Variants in AGFG1 observed in about 807,000 individuals in gnomAD.
AGFG1 encodes the protein arf-GAP domain and FG repeat-containing protein 1.
A neutral mutation model predicts 60.6 loss-of-function variants in AGFG1; 10 were observed. That is an observed-to-expected ratio of 0.16 (90% CI 0.10 to 0.28). The LOEUF (loss-of-function observed/expected upper bound fraction) is 0.28. AGFG1 is among the 10% of genes least tolerant of loss of function. AGFG1 has a pLI of 1.00. For synonymous variants in AGFG1, 247 were observed against 242.9 expected, an observed-to-expected ratio of 1.02 and a Z score of -0.16; for missense variants, 537 against 676.5, an observed-to-expected ratio of 0.79 and a Z score of 2.29.
intron 3 of AGFG1, among the ~76,000 whole-genome samples, chr2:227,521,154 C>G (rs1211590394): frequency 6.6e-6 from 1 of 152,132 alleles, no homozygotes; most frequent in African/African-American, 2.4e-5. Context: ...CAACCCCCGC[C>G]TCCTGGGTTC....
intron 8 of AGFG1, among the ~76,000 whole-genome samples, chr2:227,535,554 C>G: frequency 6.6e-6 from 1 of 152,298 alleles, no homozygotes; most frequent in African/African-American, 2.4e-5. Flanking sequence ...AGTAGGAAGT[C>G]TAACACATTT....
Position 227,557,573 on chromosome 2 carries a change from T to C in AGFG1, c.*3078T>C, listed in dbSNP as rs1303204087. 2 of 136,400 alleles carry C rather than the reference T, an allele frequency of 1.5e-5. No individual in the cohort carries two copies. Among genetic ancestry groups the C allele is most frequent in the Non-Finnish European group, 3.2e-5 (2 of 63,190 alleles). The allele number at this position is 136,400 out of a possible 1,614,324, so 8.4% of individuals were successfully genotyped here. On this transcript the variant is annotated 3_prime_UTR_variant, in exon 13 of 13. Coordinates refer to ENST00000310078, the MANE Select transcript of AGFG1 (RefSeq NM_004504.5). ...GAATTTATTGTATTAAAATTAATAC[T>C]GAGATATTTTTAAAACATGTTTATT...
chr2:227,486,940 A>G (rs538146664), intron 1 of AGFG1, among the ~76,000 whole-genome samples: 44 of 152,326 alleles, frequency 2.9e-4, no homozygotes, highest in Non-Finnish European at 5.4e-4. Context: ...CGTACAATGC[A>G]TAGGACACCC....
intron 2 of AGFG1, among the ~76,000 whole-genome samples, chr2:227,516,396 A>T (rs963002702): frequency 2.6e-5 from 4 of 152,192 alleles, no homozygotes; most frequent in African/African-American, 9.6e-5. Flanking sequence ...GAGTGTTAAG[A>T]TTGGTTAGGA....
At chr2:227,529,319 A>T (rs922567552) in intron 5 of AGFG1, among the ~76,000 whole-genome samples, 3 of 152,154 alleles carry the variant, frequency 2.0e-5, no homozygotes, top group African/African-American at 7.2e-5. Context: ...ATTTCTTCTC[A>T]TCCTGATATT....
At chr2:227,486,150 C>T (rs10178812) in intron 1 of AGFG1, among the ~76,000 whole-genome samples, 6,901 of 152,272 alleles carry the variant, frequency 0.045, 200 homozygotes, top group African/African-American at 0.088. Flanking sequence ...TCTCTCATCT[C>T]GCCTTGGCTA....
At chr2:227,475,300 G>A (rs1690248754) in intron 1 of AGFG1, among the ~76,000 whole-genome samples, 1 of 152,200 alleles carries the variant, frequency 6.6e-6, no homozygotes, top group South Asian at 2.1e-4. Context: ...ACTTTCAGAA[G>A]TTCTGCATTT....
chr2:227,553,941 C>T, intron 12 of AGFG1, 146 bp downstream of exon 12: 1 of 588,102 alleles, frequency 1.7e-6, no homozygotes, highest in Non-Finnish European at 2.9e-6. Flanking sequence ...TGACACAGAG[C>T]CATTATGTGT....
chr2:227,560,443 T>C lies in AGFG1; in HGVS notation c.*5948T>C, dbSNP rs1693104633. 1 of 143,838 alleles carries C rather than the reference T, an allele frequency of 7.0e-6. No individual in the cohort carries two copies. Among genetic ancestry groups the C allele is most frequent in the Middle Eastern group, 3.6e-3 (1 of 274 alleles). 8.9% of individuals were successfully genotyped at this position (143,838 alleles called of 1,614,324 possible). Reference sequence around the variant, plus strand: ...AGAAGAAAAAAAATCTCTCTGACTATCTGAAGATATATGAAAAAGCCTATG... The same window carrying C: ...AGAAGAAAAAAAATCTCTCTGACTACCTGAAGATATATGAAAAAGCCTATG... On this transcript the variant is annotated 3_prime_UTR_variant, in exon 13 of 13. Coordinates refer to ENST00000310078, the MANE Select transcript of AGFG1 (RefSeq NM_004504.5).
chr2:227,503,873 A>G (rs192518757), intron 2 of AGFG1, among the ~76,000 whole-genome samples: 79 of 152,346 alleles, frequency 5.2e-4, no homozygotes, highest in African/African-American at 1.3e-3. Context: ...TATGGGATCT[A>G]TAATTACTTT....
intron 12 of AGFG1, among the ~76,000 whole-genome samples, 192 bp downstream of exon 12, chr2:227,553,987 A>C (rs2106246991): frequency 6.6e-6 from 1 of 152,314 alleles, no homozygotes; most frequent in South Asian, 2.1e-4. Flanking sequence ...TTAGTTGCAA[A>C]TCAAAGCATT....
chr2:227,493,078 G>T (rs1690866054), intron 2 of AGFG1, among the ~76,000 whole-genome samples: 1 of 152,114 alleles, frequency 6.6e-6, no homozygotes, highest in African/African-American at 2.4e-5. Flanking sequence ...GTCAATTGAA[G>T]AAGTGAAAAT....
chr2:227,538,615 G>A (rs1467991587), intron 10 of AGFG1, among the ~76,000 whole-genome samples: 1 of 152,192 alleles, frequency 6.6e-6, no homozygotes, highest in African/African-American at 2.4e-5. Flanking sequence ...TTGCTGGCAG[G>A]TTTGTTGTAA....
intron 1 of AGFG1, among the ~76,000 whole-genome samples, chr2:227,479,342 A>G (rs1295096823): frequency 2.0e-5 from 3 of 152,240 alleles, no homozygotes; most frequent in African/African-American, 7.2e-5. Context: ...TGTGATTTTT[A>G]AACACTGGCT....
chr2:227,479,236 TGTG>T (rs1384153630), intron 1 of AGFG1, among the ~76,000 whole-genome samples: 4 of 152,210 alleles, frequency 2.6e-5, no homozygotes, highest in Non-Finnish European at 4.4e-5. Flanking sequence ...GCATTCAGGT[TGTG>T]GTGACATCAT....
chr2:227,513,342 A>G lies in AGFG1; in HGVS notation c.262-6606A>G, dbSNP rs1691549362. Among the ~76,000 whole-genome samples the G allele has an allele frequency of 2.0e-5, 3 of 152,334 alleles. No individual in the cohort carries two copies. In the South Asian group the frequency reaches 6.2e-4, roughly 32 times the overall value. On this transcript the variant is annotated intron_variant, in intron 2 of 12. Transcript: ENST00000310078. ...CCAAGCAGCTGGTCTGTCTGGATATACAAATGGGCTTCTTGTCCCTGCTTT... is the reference window on the plus strand; with the variant it reads ...CCAAGCAGCTGGTCTGTCTGGATATGCAAATGGGCTTCTTGTCCCTGCTTT...
rs150894172 is a variant in AGFG1, at chr2:227,531,933, G to C, written c.814+723G>C. ...CAGTCAAACTTGGAAATAGTTTTCTGTGCAGGAATTGGTGTTTAAACATTG... is the reference window on the plus strand; with the variant it reads ...CAGTCAAACTTGGAAATAGTTTTCTCTGCAGGAATTGGTGTTTAAACATTG... On this transcript the variant is annotated intron_variant, in intron 6 of 12. Coordinates refer to ENST00000310078, the MANE Select transcript of AGFG1 (RefSeq NM_004504.5). 1.6e-4 allele frequency among the ~76,000 whole-genome samples: 25 copies of C among 152,250 alleles called. No individual in the cohort carries two copies. In the East Asian group the frequency reaches 3.9e-3, roughly 23 times the overall value.
Position 227,520,078 on chromosome 2 carries a change from T to C in AGFG1, c.377+15T>C. ...AAGAAAAGATGGTGAGTGAAGAGTT[T>C]GTATGTAGAATAAAGCCTCCCCAAA... On this transcript the variant is annotated intron_variant, in intron 3 of 12. Coordinates refer to ENST00000310078, the MANE Select transcript of AGFG1 (RefSeq NM_004504.5). 3 of 1,488,012 alleles carry C rather than the reference T, an allele frequency of 2.0e-6. No individual in the cohort carries two copies. Among genetic ancestry groups the C allele is most frequent in the Non-Finnish European group, 2.7e-6 (3 of 1,091,232 alleles). The allele number at this position is 1,488,012 out of a possible 1,614,324, so 92.2% of individuals were successfully genotyped here. A position where few individuals can be genotyped will look rare whatever the true frequency, so the allele number is the denominator to read the frequency against.
chr2:227,540,464 C>G (rs958633895), intron 10 of AGFG1, among the ~76,000 whole-genome samples: 3 of 152,090 alleles, frequency 2.0e-5, no homozygotes, highest in African/African-American at 4.8e-5. Flanking sequence ...TCTGTCCTTG[C>G]GATAGTTTGC....
Sources: gnomAD v4.1 joint callset for allele counts (sites outside exome capture counted in the v4.1 genomes callset) on GRCh38, gnomAD v4.1.1 for gene constraint, MANE v1.5 for transcripts, NCBI Gene and HGNC (gene_info 2026-07-23, HGNC 2026-07-21) for gene names.